TIAM2: variants seen among roughly 807,000 people sequenced by gnomAD.
The protein encoded by TIAM2 is TIAM Rac1 associated GEF 2.
In TIAM2, 80 loss-of-function variants were observed where a neutral mutation model predicts 152.9. That is an observed-to-expected ratio of 0.52 (90% confidence interval 0.44 to 0.63). The LOEUF (loss-of-function observed/expected upper bound fraction) is 0.63, where lower values mean the gene tolerates loss of function less well. Among genes scored for constraint, TIAM2 ranks in the 30% least tolerant of loss-of-function variants. TIAM2 has a pLI of 0.00. For synonymous variants in TIAM2, 804 were observed against 838.0 expected, an observed-to-expected ratio of 0.96 and a Z score of 0.70; for missense variants, 1,965 against 2,120.1, an observed-to-expected ratio of 0.93 and a Z score of 1.44.
chr6:155,112,922 G>T (rs1015004611), intron 2 of TIAM2, among the ~76,000 whole-genome samples: 1 of 148,044 alleles, frequency 6.8e-6, no homozygotes, highest in Non-Finnish European at 1.5e-5. Flanking sequence ...AAGCTGGGGC[G>T]CATTGCCTCT....
chr6:155,191,590 A>G (rs1781206692), intron 14 of TIAM2, among the ~76,000 whole-genome samples: 1 of 152,140 alleles, frequency 6.6e-6, no homozygotes. Flanking sequence ...TCAGCAGTTC[A>G]AGACCAGCCT....
chr6:155,089,806 A>G (rs1230369905), intron 1 of TIAM2, among the ~76,000 whole-genome samples: 6 of 152,118 alleles, frequency 3.9e-5, no homozygotes, highest in African/African-American at 1.4e-4. Context: ...TGAACTGTGT[A>G]TTTCCACTTG....
chr6:155,223,517 A>ATTTT (rs11389646), intron 15 of TIAM2, among the ~76,000 whole-genome samples: 2 of 140,850 alleles, frequency 1.4e-5, no homozygotes, highest in Non-Finnish European at 1.5e-5. Context: ...ACATCCCCAG[A>ATTTT]TTTTTTTTTC....
At chr6:155,241,428 G>T (rs1181205407) in intron 16 of TIAM2, among the ~76,000 whole-genome samples, 3 of 152,106 alleles carry the variant, frequency 2.0e-5, no homozygotes, top group Admixed American at 2.0e-4. Context: ...GTCCAGGCCC[G>T]GCTTTGCCTC....
Position 155,257,375 on chromosome 6 carries a change from A to C in TIAM2, c.*254A>C. 1 of 449,042 alleles carries C rather than the reference A, an allele frequency of 2.2e-6. No individual in the cohort carries two copies. 27.8% of individuals were successfully genotyped at this position (449,042 alleles called of 1,614,324 possible). On this transcript the variant is annotated 3_prime_UTR_variant, in exon 27 of 27. Coordinates refer to ENST00000682666, the MANE Select transcript of TIAM2 (RefSeq NM_012454.4). ...TTGAGCAGGTATCAAATGATTTAGG[A>C]TCCTTAAAATTACATTCTAATAATT...
intron 18 of TIAM2, 36 bp downstream of exon 18, chr6:155,244,819 C>G: frequency 1.3e-6 from 2 of 1,578,068 alleles, no homozygotes; most frequent in African/African-American, 1.4e-5. Flanking sequence ...AGTAAAAATA[C>G]GTGGCTATGG....
At chr6:155,187,130 T>C (rs911935956) in intron 14 of TIAM2, among the ~76,000 whole-genome samples, 1 of 152,170 alleles carries the variant, frequency 6.6e-6, no homozygotes, top group East Asian at 1.9e-4. Context: ...TATAGCCCCC[T>C]GTCGAGCACT....
At chr6:155,009,863 T>C (rs1778458173) in intron 1 of TIAM2, among the ~76,000 whole-genome samples, 1 of 151,888 alleles carries the variant, frequency 6.6e-6, no homozygotes, top group South Asian at 2.1e-4. Flanking sequence ...TTTTTTTTTC[T>C]CTTTTTCCAG....
intron 2 of TIAM2, among the ~76,000 whole-genome samples, chr6:155,109,125 AG>A (rs1778770495): frequency 6.6e-6 from 1 of 151,962 alleles, no homozygotes; most frequent in East Asian, 1.9e-4. Context: ...CTGGGACTAC[AG>A]GCGCCCACCA....
intron 15 of TIAM2, among the ~76,000 whole-genome samples, chr6:155,223,422 G>A (rs886484228): frequency 2.6e-5 from 4 of 151,636 alleles, no homozygotes; most frequent in Admixed American, 6.6e-5. Context: ...AGATGTTGAG[G>A]AACGTTAAAT....
chr6:155,124,259 G>A (rs1483694462), intron 2 of TIAM2, among the ~76,000 whole-genome samples: 2 of 152,172 alleles, frequency 1.3e-5, no homozygotes, highest in African/African-American at 4.8e-5. Context: ...GGGCTTAAGT[G>A]CTCCATCTGC....
At chr6:155,060,142 G>A (rs111810341) in intron 1 of TIAM2, among the ~76,000 whole-genome samples, 7,681 of 152,076 alleles carry the variant, frequency 0.051, 670 homozygotes, top group African/African-American at 0.18. Flanking sequence ...CGGTGCTTAC[G>A]CCTGTAATCC....
At position 155,257,011 on chromosome 6, in the gene TIAM2, G is replaced by A; in HGVS notation, c.4996G>A (p.Ala1666Thr). 6.2e-7 allele frequency: 1 copy of A among 1,614,168 alleles called. No homozygotes were observed. Among genetic ancestry groups the A allele is most frequent in the Non-Finnish European group, 8.5e-7 (1 of 1,180,028 alleles). Reference protein sequence around the residue: ...HQSLDSQSENATIDLNSVLER... With the variant: ...HQSLDSQSENTTIDLNSVLER... ...GTCCCTTGACAGTCAGTCTGAAAATGCCACCATCGACCTAAATTCTGTTCT... is the reference window on the plus strand; with the variant it reads ...GTCCCTTGACAGTCAGTCTGAAAATACCACCATCGACCTAAATTCTGTTCT... The change falls in exon 27 of 27, where the codon GCC (alanine) becomes ACC (threonine). Residue 1666 changes from alanine to threonine, a missense_variant. Physicochemically the swap from Ala to Thr is moderately conservative, Grantham distance 58 (BLOSUM62 0). This residue lies in a region of TIAM2 where 935 missense variants were observed against 980.0 expected (regional missense o/e 0.95). Transcript: ENST00000682666.
intron 2 of TIAM2, among the ~76,000 whole-genome samples, chr6:155,096,240 G>A (rs568315600): frequency 1.4e-4 from 22 of 152,236 alleles, no homozygotes; most frequent in Non-Finnish European, 3.1e-4. Flanking sequence ...CATAATCGAT[G>A]TACATAGTTC....
At chr6:155,085,807 G>C (rs112380020) in intron 1 of TIAM2, among the ~76,000 whole-genome samples, 1 of 152,250 alleles carries the variant, frequency 6.6e-6, no homozygotes, top group Non-Finnish European at 1.5e-5. Context: ...TGAGCCATCA[G>C]TCTTGATTGA....
At chr6:155,131,953 A>G (rs1156872812) in intron 4 of TIAM2, among the ~76,000 whole-genome samples, 7 of 152,054 alleles carry the variant, frequency 4.6e-5, no homozygotes, top group Non-Finnish European at 1.0e-4. Flanking sequence ...AAGTGCATGT[A>G]ATAGAAAAAT....
At position 155,144,747 on chromosome 6, in the gene TIAM2, G is replaced by A. The variant is rs759976324; in HGVS notation, c.1772G>A (p.Ser591Asn). 1 of 1,610,946 alleles carries A rather than the reference G, an allele frequency of 6.2e-7. No individual in the cohort carries two copies. Among genetic ancestry groups the A allele is most frequent in the Non-Finnish European group, 8.5e-7 (1 of 1,178,860 alleles). Residue 591 changes from serine to asparagine, a missense_variant, in exon 6 of 27, where the codon AGC (serine) becomes AAC (asparagine). Transcript: ENST00000682666. ...AAGAAAGAAAATGTGTTCTGCCTCA[G>A]CAACTCCTTTGGAGATGTCTACCTT... is the stretch of plus-strand genomic sequence containing the variant. ...HPKKENVFCL[S>N]NSFGDVYLFQ...
intron 1 of TIAM2, among the ~76,000 whole-genome samples, chr6:155,047,337 A>G (rs1777198665): frequency 6.6e-6 from 1 of 151,736 alleles, no homozygotes; most frequent in Non-Finnish European, 1.5e-5. Context: ...GCGCCACCAC[A>G]CCCGGCTAAT....
intron 10 of TIAM2, among the ~76,000 whole-genome samples, chr6:155,178,011 A>T (rs1461902782): frequency 2.0e-5 from 3 of 152,136 alleles, no homozygotes; most frequent in Middle Eastern, 6.8e-3. Flanking sequence ...AATACAAAAA[A>T]TTAGCTGGGT....
Sources: allele counts gnomAD v4.1 joint callset (sites outside exome capture counted in the v4.1 genomes callset), GRCh38; gene constraint gnomAD v4.1.1; regional missense constraint gnomAD v4.1.1; transcripts MANE v1.5; gene names NCBI Gene and HGNC (gene_info 2026-07-23, HGNC 2026-07-21).